Variants in GNAO1 observed in about 807,000 individuals in gnomAD.
GNAO1 encodes guanine nucleotide-binding protein G(o) subunit alpha.
For missense variants in GNAO1, 166 were observed against 478.7 expected, an observed-to-expected ratio of 0.35 and a Z score of 6.10; for synonymous variants, 164 against 180.7, an observed-to-expected ratio of 0.91 and a Z score of 0.74.
Position 56,356,872 on chromosome 16 carries a change from A to G in GNAO1, c.*798A>G, listed in dbSNP as rs1408546363. On this transcript the variant is annotated 3_prime_UTR_variant, in exon 9 of 9. Transcript: ENST00000262493. ...CAGATCAGTTTTCCTAGTCTTTGGG[A>G]AACGGGTTGTGTTTTTTTTCCTTTG... 1.3e-5 allele frequency: 2 copies of G among 149,390 alleles called. No homozygotes were observed. The highest frequency in any genetic ancestry group is 3.0e-5 in the Non-Finnish European group (2 of 67,490). The allele number at this position is 149,390 out of a possible 1,614,324, so 9.3% of individuals were successfully genotyped here. A position where few individuals can be genotyped will look rare whatever the true frequency, so the allele number is the denominator to read the frequency against.
intron 6 of GNAO1, chr16:56,344,295 T>G: frequency 2.5e-6 from 3 of 1,180,230 alleles, no homozygotes; most frequent in Non-Finnish European, 3.2e-6. Flanking sequence ...AGCCTCGGAG[T>G]GTCCTCCTGT....
chr16:56,341,183 C>T lies in GNAO1; in HGVS notation c.723+4323C>T, dbSNP rs374920786. 3.3e-5 allele frequency among the ~76,000 whole-genome samples: 5 copies of T among 152,188 alleles called. No homozygotes were observed. The East Asian group carries it at 7.7e-4, about 24-fold the overall frequency. Reference sequence around the variant, plus strand: ...CCGGGGCTTCCTCATCAGGGAAAGCCGGTAGAGCCCTGGCTCTGCCACTTA... The same window carrying T: ...CCGGGGCTTCCTCATCAGGGAAAGCTGGTAGAGCCCTGGCTCTGCCACTTA... On this transcript the variant is annotated intron_variant, in intron 6 of 8. Transcript: ENST00000262493.
At chr16:56,305,492 G>A (rs1001341685) in intron 3 of GNAO1, among the ~76,000 whole-genome samples, 1 of 152,132 alleles carries the variant, frequency 6.6e-6, no homozygotes, top group Non-Finnish European at 1.5e-5. Context: ...GCAAAGACTC[G>A]AGTCCAGGAG....
intron 3 of GNAO1, among the ~76,000 whole-genome samples, chr16:56,277,388 A>C (rs1208276409): frequency 5.3e-5 from 8 of 152,208 alleles, no homozygotes; most frequent in Non-Finnish European, 1.2e-4. Context: ...CTGCAGGCTT[A>C]TGATGTGCAA....
At chr16:56,341,022 G>A (rs1270846917) in intron 6 of GNAO1, 3 of 1,589,616 alleles carry the variant, frequency 1.9e-6, no homozygotes, top group Non-Finnish European at 2.6e-6. Context: ...GGCCCCCGAG[G>A]GAGCGGGCCC....
intron 3 of GNAO1, among the ~76,000 whole-genome samples, chr16:56,328,203 C>T (rs2037654740): frequency 6.6e-6 from 1 of 152,194 alleles, no homozygotes. Flanking sequence ...CAGCCAAGAA[C>T]ATTGATTTTT....
intron 5 of GNAO1, chr16:56,336,449 G>T: frequency 6.4e-6 from 2 of 313,620 alleles, no homozygotes; most frequent in Non-Finnish European, 1.2e-5. Flanking sequence ...GCTCAGGTGC[G>T]CCCTCTTAGT....
chr16:56,233,389 G>A (rs1315449132), intron 2 of GNAO1, among the ~76,000 whole-genome samples: 1 of 152,240 alleles, frequency 6.6e-6, no homozygotes, highest in Non-Finnish European at 1.5e-5. Flanking sequence ...GGTCTTCTAT[G>A]TATGGAGAGC....
At chr16:56,337,041 A>G (rs1200252020) in intron 6 of GNAO1, among the ~76,000 whole-genome samples, 181 bp downstream of exon 6, 4 of 152,238 alleles carry the variant, frequency 2.6e-5, no homozygotes. Context: ...CTGTATTGCC[A>G]AGGCAAATGC....
intron 2 of GNAO1, among the ~76,000 whole-genome samples, chr16:56,217,217 C>A (rs1211952688): frequency 6.6e-6 from 1 of 152,218 alleles, no homozygotes; most frequent in Non-Finnish European, 1.5e-5. Context: ...GTGACATGTT[C>A]TTGCCTTCAG....
chr16:56,210,868 T>C (rs1052929086), intron 2 of GNAO1, among the ~76,000 whole-genome samples: 3 of 152,272 alleles, frequency 2.0e-5, no homozygotes, highest in Admixed American at 6.5e-5. Flanking sequence ...GTGGTTTGTC[T>C]TCTCAGTCTC....
At chr16:56,208,676 T>C (rs1346593608) in intron 2 of GNAO1, among the ~76,000 whole-genome samples, 2 of 152,226 alleles carry the variant, frequency 1.3e-5, no homozygotes, top group Non-Finnish European at 2.9e-5. Flanking sequence ...ACCAAACCAA[T>C]AGGCAAGTAG....
chr16:56,309,569 T>C (rs906257165), intron 3 of GNAO1, among the ~76,000 whole-genome samples: 2 of 152,180 alleles, frequency 1.3e-5, no homozygotes, highest in Admixed American at 1.3e-4. Context: ...CTGGACTCAG[T>C]GGCATGACCA....
At chr16:56,211,802 A>C (rs577336775) in intron 2 of GNAO1, among the ~76,000 whole-genome samples, 1 of 152,196 alleles carries the variant, frequency 6.6e-6, no homozygotes, top group Non-Finnish European at 1.5e-5. Flanking sequence ...AGCTGGCTGC[A>C]TACAAGGAGA....
rs1189955848 is a variant in GNAO1, at chr16:56,311,391, G to T, written c.304-17240G>T. Among the ~76,000 whole-genome samples, 1 of 152,102 alleles carries T rather than the reference G, an allele frequency of 6.6e-6. No individual in the cohort carries two copies. Among genetic ancestry groups the T allele is most frequent in the Non-Finnish European group, 1.5e-5 (1 of 68,012 alleles). ...CCTCTCACCCAGTGAGCCCTGTGCA[G>T]CTCTTCCCCAGCAGAGGGCAGAGTT... is the stretch of plus-strand genomic sequence containing the variant. On this transcript the variant is annotated intron_variant, in intron 3 of 8. Transcript: ENST00000262493. This position sits in a 1 kb window ranked among gnomAD's most constrained non-coding sequence, Gnocchi z 5.2.
At chr16:56,281,425 G>T (rs551025895) in intron 3 of GNAO1, among the ~76,000 whole-genome samples, 1 of 152,050 alleles carries the variant, frequency 6.6e-6, no homozygotes, top group African/African-American at 2.4e-5. Flanking sequence ...CTCCACCCCA[G>T]CGAGCAAGGC....
chr16:56,347,636 A>G, intron 6 of GNAO1: 3 of 985,486 alleles, frequency 3.0e-6, no homozygotes, highest in Non-Finnish European at 3.6e-6. Context: ...CTCCCCCTGG[A>G]ACAGAAGCTC....
intron 6 of GNAO1, among the ~76,000 whole-genome samples, chr16:56,338,744 G>A (rs1295669464): frequency 1.3e-5 from 2 of 152,272 alleles, no homozygotes; most frequent in Non-Finnish European, 2.9e-5. Context: ...AGCAAGGGAC[G>A]TCTGGGTGAG....
intron 5 of GNAO1, chr16:56,336,406 G>A (rs1026869690): frequency 8.1e-6 from 2 of 248,312 alleles, no homozygotes; most frequent in Non-Finnish European, 1.6e-5. Context: ...GTCCTCATGC[G>A]AGGAGGACTC....
Sources: allele counts gnomAD v4.1 joint callset (sites outside exome capture counted in the v4.1 genomes callset), GRCh38; gene constraint gnomAD v4.1.1; non-coding constraint Gnocchi (gnomAD v3.1); transcripts MANE v1.5; gene names NCBI Gene and HGNC (gene_info 2026-07-23, HGNC 2026-07-21).